Variants in AKAP13 observed in about 807,000 individuals in gnomAD.
AKAP13 encodes A-kinase anchor protein 13.
Under a neutral mutation model 264.5 loss-of-function variants are expected in AKAP13, and 80 were observed. That is an observed-to-expected ratio of 0.30 (90% confidence interval 0.25 to 0.36). AKAP13 has a LOEUF of 0.36. Among genes scored for constraint, AKAP13 ranks in the 10% least tolerant of loss-of-function variants. The pLI, the probability that AKAP13 is intolerant of heterozygous loss-of-function variation, is 1.00. For missense variants in AKAP13, 3,712 were observed against 3,435.2 expected (o/e 1.08, Z -2.01); for synonymous variants, 1,380 against 1,250.2 (o/e 1.10, Z -2.19).
Position 85,727,452 on chromosome 15 carries a change from G to A in AKAP13, c.7076G>A (p.Arg2359Gln), listed in dbSNP as rs906421680. 5.0e-6 allele frequency: 8 copies of A among 1,613,988 alleles called. No individual in the cohort carries two copies. The highest frequency in any genetic ancestry group is 3.3e-5 in the Admixed American group (2 of 60,000). The change falls in exon 29 of 37, where the codon CGA becomes CAA. Residue 2359 changes from arginine to glutamine, a missense_variant. Physicochemically the swap from Arg to Gln is conservative, Grantham distance 43. Transcript: ENST00000394518. This position sits in a 1 kb window ranked among gnomAD's most constrained non-coding sequence, Gnocchi z 5.3. Reference protein sequence around the residue: ...EEKKMLDTRARELKEQLHQKD... With the variant: ...EEKKMLDTRAQELKEQLHQKD... ...AAGAAAATGTTGGACACCAGAGCCC[G>A]AGAATTAAAAGGTGAGGCATTGCGA... is the stretch of plus-strand genomic sequence containing the variant.
chr15:85,736,142 C>T lies in AKAP13; in HGVS notation c.7557+8C>T, dbSNP rs2088469542. 2 of 1,594,876 alleles carry T rather than the reference C, an allele frequency of 1.3e-6. No individual in the cohort carries two copies. Among genetic ancestry groups the T allele is most frequent in the Non-Finnish European group, 8.6e-7 (1 of 1,164,430 alleles). ...CTTAAAAGAAACAGTGAGGTAAGGA[C>T]ATTATGAACTATTTAAGAAAATATG... On this transcript the variant is annotated splice_region_variant and intron_variant, in intron 33 of 36. Coordinates refer to ENST00000394518, the MANE Select transcript of AKAP13 (RefSeq NM_007200.5).
In AKAP13 at chr15:85,704,137, C is replaced by T. The variant is rs114253979; in HGVS notation, c.5465-3882C>T. 5.2e-3 allele frequency among the ~76,000 whole-genome samples: 793 copies of T among 152,214 alleles called. 6 individuals are homozygous for T. The highest frequency in any genetic ancestry group is 0.017 in the African/African-American group (709 of 41,526). On this transcript the variant is annotated intron_variant, in intron 17 of 36. Transcript: ENST00000394518. ...TTTTTCCCAGTTAGATTTTGCTGCT[C>T]ACATCTGTAGGCAGAACAGTCAGAA...
intron 3 of AKAP13, among the ~76,000 whole-genome samples, chr15:85,533,273 A>G (rs1484567167): frequency 1.3e-5 from 2 of 152,202 alleles, no homozygotes; most frequent in Admixed American, 6.5e-5. Context: ...AAATATGTTC[A>G]AATTGAATAG....
At chr15:85,414,679 T>A (rs1023495855) in intron 1 of AKAP13, among the ~76,000 whole-genome samples, 2 of 152,220 alleles carry the variant, frequency 1.3e-5, no homozygotes, top group Non-Finnish European at 2.9e-5. Flanking sequence ...TTAGAGTGCC[T>A]TCTCCTGGTG....
chr15:85,736,356 CCTG>C (rs1439242401), intron 33 of AKAP13, among the ~76,000 whole-genome samples: 1 of 152,106 alleles, frequency 6.6e-6, no homozygotes, highest in African/African-American at 2.4e-5. Context: ...TAGAGAATTG[CCTG>C]CTAAGATGGC....
intron 8 of AKAP13, among the ~76,000 whole-genome samples, chr15:85,615,987 A>C: frequency 6.6e-6 from 1 of 152,190 alleles, no homozygotes; most frequent in East Asian, 1.9e-4. Context: ...CTTGATTTTC[A>C]CTTAGTACCT....
intron 1 of AKAP13, among the ~76,000 whole-genome samples, chr15:85,390,751 T>C (rs1032690940): frequency 6.6e-6 from 1 of 152,092 alleles, no homozygotes; most frequent in African/African-American, 2.4e-5. Flanking sequence ...AAAATAGAAC[T>C]ATAGGATTAC....
chr15:85,546,057 A>G (rs75063683), intron 5 of AKAP13, among the ~76,000 whole-genome samples: 3,399 of 152,184 alleles, frequency 0.022, 131 homozygotes, highest in African/African-American at 0.078. Context: ...GGTACCTCAT[A>G]TAAGTGAAAT....
chr15:85,454,468 T>C (rs2074209142), intron 1 of AKAP13, among the ~76,000 whole-genome samples: 1 of 152,104 alleles, frequency 6.6e-6, no homozygotes, highest in African/African-American at 2.4e-5. Context: ...TTTCCTGCCT[T>C]GCTTTTCTCT....
chr15:85,558,411 C>G (rs1399868043), intron 5 of AKAP13, among the ~76,000 whole-genome samples: 2 of 152,096 alleles, frequency 1.3e-5, no homozygotes, highest in Non-Finnish European at 1.5e-5. Context: ...TATAAAAATA[C>G]GCAAGGTCAT....
intron 1 of AKAP13, among the ~76,000 whole-genome samples, chr15:85,473,625 C>T (rs1156482944): frequency 6.6e-6 from 1 of 152,168 alleles, no homozygotes; most frequent in Non-Finnish European, 1.5e-5. Context: ...ACTCAGGTTG[C>T]TTCAAAAACC....
intron 5 of AKAP13, among the ~76,000 whole-genome samples, chr15:85,551,186 C>T (rs2077951009): frequency 6.6e-6 from 1 of 152,138 alleles, no homozygotes; most frequent in African/African-American, 2.4e-5. Context: ...CCTAAGTTTT[C>T]AGCTGGACAA....
rs776441394 is a variant in AKAP13 at position 85,723,122 on chromosome 15, G to A, written c.6547G>A (p.Asp2183Asn). 6.2e-7 allele frequency: 1 copy of A among 1,614,158 alleles called. No individual in the cohort carries two copies. The highest frequency in any genetic ancestry group is 8.5e-7 in the Non-Finnish European group (1 of 1,180,006). ...DLAQSLSLVK[D>N]VIGAVDSKVA... ...AGCACAGTCCTTGAGCCTGGTGAAG[G>A]ATGTGATTGGAGCTGTAGACAGCAA... The change falls in exon 26 of 37, where the codon GAT becomes AAT. Residue 2183 changes from aspartate (D) to asparagine (N), a missense_variant. Physicochemically the swap from Asp to Asn is conservative, Grantham distance 23 (BLOSUM62 1). Coordinates refer to ENST00000394518, the MANE Select transcript of AKAP13 (RefSeq NM_007200.5).
intron 35 of AKAP13, among the ~76,000 whole-genome samples, chr15:85,743,285 T>G (rs74667504): frequency 9.6e-4 from 146 of 152,242 alleles, no homozygotes; most frequent in Non-Finnish European, 1.8e-3. Context: ...GCGATATTTT[T>G]AACATGTTTA....
At chr15:85,611,038 A>AATCCAGTTTTCATC (rs2080594766) in intron 8 of AKAP13, among the ~76,000 whole-genome samples, 1 of 152,152 alleles carries the variant, frequency 6.6e-6, no homozygotes. Context: ...AGAATATTTA[A>AATCCAGTTTTCATC]ATCCAGTTTT....
chr15:85,543,978 T>A (rs1487664020), intron 5 of AKAP13, 23 bp downstream of exon 5: 3 of 1,610,738 alleles, frequency 1.9e-6, no homozygotes, highest in Middle Eastern at 1.7e-4. Flanking sequence ...TCTGCCTTAT[T>A]TCCCTCCTCT....
At position 85,670,529 on chromosome 15, in the gene AKAP13, C is replaced by T. The variant is rs571264000; in HGVS notation, c.5101+699C>T. Among the ~76,000 whole-genome samples the T allele has an allele frequency of 1.4e-4, 21 of 148,768 alleles. No homozygotes were observed. In the South Asian group the frequency reaches 3.0e-3, roughly 22 times the overall value. ...AAAATTGTGTTATCTAGTATGTACA[C>T]CTTATTCAGATTTCAAATTTTCTCA... On this transcript the variant is annotated intron_variant, in intron 14 of 36. Transcript: ENST00000394518.
chr15:85,516,652 T>C (rs1034681242), intron 2 of AKAP13, among the ~76,000 whole-genome samples: 3 of 152,112 alleles, frequency 2.0e-5, no homozygotes, highest in African/African-American at 4.8e-5. Flanking sequence ...AATTCTCCCC[T>C]TTTCCCCTCT....
chr15:85,735,618 T>G lies in AKAP13; in HGVS notation c.7500T>G (p.Ser2500Arg). ...ATCTTAGGAGAACGGAATCAGATAGTGGCCTAAAAAAGGTATTTCTCTTTA... is the reference window on the plus strand; with the variant it reads ...ATCTTAGGAGAACGGAATCAGATAGGGGCCTAAAAAAGGTATTTCTCTTTA... ...GQDLRRTESDSGLKKGGNANL... is the reference protein window; with the variant it reads ...GQDLRRTESDRGLKKGGNANL... Residue 2500 changes from serine (S) to arginine (R), a missense_variant, in exon 32 of 37, where the codon AGT (serine) becomes AGG (arginine). Transcript: ENST00000394518. 6.2e-7 allele frequency: 1 copy of G among 1,612,908 alleles called. No individual in the cohort carries two copies. Among genetic ancestry groups the G allele is most frequent in the South Asian group, 1.1e-5 (1 of 90,618 alleles).
Sources: allele counts gnomAD v4.1 joint callset (sites outside exome capture counted in the v4.1 genomes callset), GRCh38; gene constraint gnomAD v4.1.1; non-coding constraint Gnocchi (gnomAD v3.1); transcripts MANE v1.5; gene names NCBI Gene and HGNC (gene_info 2026-07-23, HGNC 2026-07-21).